Variants in TSPAN17 observed in about 807,000 individuals in gnomAD.
The protein encoded by TSPAN17 is tetraspanin 17.
In TSPAN17, 33 loss-of-function variants were observed where a neutral mutation model predicts 40.5. The ratio of observed to expected loss-of-function variants is 0.81; its 90% CI spans 0.62 to 1.09. The LOEUF (loss-of-function observed/expected upper bound fraction) is 1.09, where lower values mean the gene tolerates loss of function less well. Among genes scored for constraint, TSPAN17 ranks in the 50% least tolerant of loss-of-function variants. The pLI is 0.00. For synonymous variants in TSPAN17, 166 were observed against 169.4 expected (o/e 0.98, Z 0.15); for missense variants, 365 against 416.8 (o/e 0.88, Z 1.08).
chr5:176,652,654 T>C (rs779302526), intron 3 of TSPAN17, 89 bp from the exon 4 acceptor site: 268 of 1,306,164 alleles, frequency 2.1e-4, no homozygotes, highest in Non-Finnish European at 2.8e-4. Context: ...GAGGTAGGGA[T>C]GGAGCCCTTC....
At chr5:176,649,354 G>A (rs940551821) in intron 1 of TSPAN17, among the ~76,000 whole-genome samples, 1 of 152,124 alleles carries the variant, frequency 6.6e-6, no homozygotes, top group African/African-American at 2.4e-5. Flanking sequence ...CAGGCACAGA[G>A]GTTTTCATGT....
rs1760926780 is a variant in TSPAN17, at chr5:176,650,479, G to A, written c.88-1137G>A. 1.3e-5 allele frequency among the ~76,000 whole-genome samples: 2 copies of A among 152,186 alleles called. No homozygotes were observed. The highest frequency in any genetic ancestry group is 4.1e-4 in the South Asian group (2 of 4,834). On this transcript the variant is annotated intron_variant, in intron 1 of 8. Coordinates refer to ENST00000508164, the MANE Select transcript of TSPAN17 (RefSeq NM_130465.5). This position sits in a 1 kb window ranked among gnomAD's most constrained non-coding sequence, Gnocchi z 4.0. ...AGCATCCTGGGAAGGAGCTCGGGGA[G>A]GAATGGGGTTGAGTTAACTGAGGTG...
At position 176,654,972 on chromosome 5, in the gene TSPAN17, C is replaced by T. The variant is rs1194257763; in HGVS notation, c.534C>T (p.Ser178=). The T allele has an allele frequency of 4.3e-6, 7 of 1,612,458 alleles. No homozygotes were observed. The highest frequency in any genetic ancestry group is 5.9e-6 in the Non-Finnish European group (7 of 1,179,378). ...IYFNCTDLNP[S]RERCGVPFSC... is the part of the protein sequence containing the mutation. Reference sequence around the variant, plus strand: ...TCAACTGCACTGACTTGAACCCCAGCCGGGAGCGCTGCGGGGTGCCCTTCT... The same window carrying T: ...TCAACTGCACTGACTTGAACCCCAGTCGGGAGCGCTGCGGGGTGCCCTTCT... Residue 178 remains serine, a synonymous_variant, in exon 5 of 9, where the codon AGC becomes AGT. Coordinates refer to ENST00000508164, the MANE Select transcript of TSPAN17 (RefSeq NM_130465.5). This position sits in a 1 kb window ranked among gnomAD's most constrained non-coding sequence, Gnocchi z 4.3.
chr5:176,648,755 G>A (rs1760846402), intron 1 of TSPAN17, among the ~76,000 whole-genome samples: 1 of 152,194 alleles, frequency 6.6e-6, no homozygotes. Context: ...TGCCTGCCTG[G>A]GAGACGACGA....
intron 4 of TSPAN17, 109 bp downstream of exon 4, chr5:176,653,022 C>A: frequency 3.2e-6 from 4 of 1,255,382 alleles, no homozygotes; most frequent in East Asian, 2.3e-5. Context: ...CCTGGGCTAG[C>A]GGGCCCCAGG....
chr5:176,652,490 G>A (rs1462546569), intron 3 of TSPAN17, among the ~76,000 whole-genome samples: 2 of 152,206 alleles, frequency 1.3e-5, no homozygotes, highest in African/African-American at 2.4e-5. Context: ...GGAAACTAAA[G>A]GTTTGCATGG....
At position 176,650,296 on chromosome 5, in the gene TSPAN17, A is replaced by G. The variant is rs964664105; in HGVS notation, c.88-1320A>G. ...GAAGGCTGAGGCTGGAGGCCGTGGGACCAGCCACAGGTGGTCCCTCCAGGA... is the reference window on the plus strand; with the variant it reads ...GAAGGCTGAGGCTGGAGGCCGTGGGGCCAGCCACAGGTGGTCCCTCCAGGA... On this transcript the variant is annotated intron_variant, in intron 1 of 8. Coordinates refer to ENST00000508164, the MANE Select transcript of TSPAN17 (RefSeq NM_130465.5). The surrounding 1 kb of genome is among the most constrained non-coding windows in gnomAD (Gnocchi z 4.0). 6.6e-6 allele frequency among the ~76,000 whole-genome samples: 1 copy of G among 152,228 alleles called. No individual in the cohort carries two copies. The highest frequency in any genetic ancestry group is 1.5e-5 in the Non-Finnish European group (1 of 68,016).
rs1202327477 is a variant in TSPAN17, at chr5:176,648,039, C to G, written c.87+337C>G. 2.6e-5 allele frequency among the ~76,000 whole-genome samples: 4 copies of G among 152,174 alleles called. No homozygotes were observed. The East Asian group carries it at 7.7e-4, about 29-fold the overall frequency. On this transcript the variant is annotated intron_variant, in intron 1 of 8. Coordinates refer to ENST00000508164, the MANE Select transcript of TSPAN17 (RefSeq NM_130465.5). Reference sequence around the variant, plus strand: ...GCCCCCTCTCGCCCAGCCCTCCTTCCTACCCTGGGATGTGGGATGCGTGCC... The same window carrying G: ...GCCCCCTCTCGCCCAGCCCTCCTTCGTACCCTGGGATGTGGGATGCGTGCC...
intron 1 of TSPAN17, among the ~76,000 whole-genome samples, chr5:176,648,015 C>T (rs1310615518): frequency 5.3e-5 from 8 of 152,176 alleles, no homozygotes; most frequent in Admixed American, 4.6e-4. Context: ...GTGCAGGTTG[C>T]CCCCTCTCGC....
chr5:176,657,795 C>T lies in TSPAN17; in HGVS notation c.*97C>T. 2 of 1,511,136 alleles carry T rather than the reference C, an allele frequency of 1.3e-6. No homozygotes were observed. The highest frequency in any genetic ancestry group is 1.8e-6 in the Non-Finnish European group (2 of 1,133,730). The allele number at this position is 1,511,136 out of a possible 1,614,324, so 93.6% of individuals were successfully genotyped here. The stretch of plus-strand genomic sequence containing the variant: ...GCAACACTACCTGGGACACTGCCTC[C>T]CCAGTCACCAAGGGCCCCAGCTGGC... On this transcript the variant is annotated 3_prime_UTR_variant, in exon 9 of 9. Transcript: ENST00000508164.
At chr5:176,649,117 T>G (rs890053611) in intron 1 of TSPAN17, among the ~76,000 whole-genome samples, 2 of 151,926 alleles carry the variant, frequency 1.3e-5, no homozygotes, top group African/African-American at 4.8e-5. Flanking sequence ...TGGCTTCTGT[T>G]CTGGAGACCG....
At position 176,654,831 on chromosome 5, in the gene TSPAN17, C is replaced by A; in HGVS notation, c.457-64C>A. The stretch of plus-strand genomic sequence containing the variant: ...TGTATTCCTGCAGCCTGGGCTTGTT[C>A]CCAAACAGGGTGAGGCTCCTGGGAT... On this transcript the variant is annotated intron_variant, in intron 4 of 8. Transcript: ENST00000508164. This position sits in a 1 kb window ranked among gnomAD's most constrained non-coding sequence, Gnocchi z 4.3. 6 of 1,589,426 alleles carry A rather than the reference C, an allele frequency of 3.8e-6. No homozygotes were observed. In the South Asian group the frequency reaches 6.9e-5, roughly 18 times the overall value.
In TSPAN17 at chr5:176,657,775, A is replaced by G; in HGVS notation, c.*77A>G. ...GCTACGCCGGCTCTTCGGTGGCAAC[A>G]CTACCTGGGACACTGCCTCCCCAGT... is the stretch of plus-strand genomic sequence containing the variant. On this transcript the variant is annotated 3_prime_UTR_variant, in exon 9 of 9. Transcript: ENST00000508164. The G allele has an allele frequency of 6.6e-7, 1 of 1,515,810 alleles. No individual in the cohort carries two copies. Among genetic ancestry groups the G allele is most frequent in the Non-Finnish European group, 8.8e-7 (1 of 1,136,258 alleles). The allele number at this position is 1,515,810 out of a possible 1,614,324, so 93.9% of individuals were successfully genotyped here. A position where few individuals can be genotyped will look rare whatever the true frequency, so the allele number is the denominator to read the frequency against.
In TSPAN17 at chr5:176,650,954, G is replaced by A. The variant is rs999063930; in HGVS notation, c.88-662G>A. On this transcript the variant is annotated intron_variant, in intron 1 of 8. Transcript: ENST00000508164. This position sits in a 1 kb window ranked among gnomAD's most constrained non-coding sequence, Gnocchi z 4.0. ...GGAGGAGAGGCACTTGGACTGCCCC[G>A]GTGGGGAGTCTAGCTGGTGTTCTGA... 1.3e-5 allele frequency among the ~76,000 whole-genome samples: 2 copies of A among 152,212 alleles called. No homozygotes were observed. The highest frequency in any genetic ancestry group is 4.8e-5 in the African/African-American group (2 of 41,470).
chr5:176,656,585 G>A, intron 6 of TSPAN17, 115 bp from the exon 7 acceptor site: 1 of 953,136 alleles, frequency 1.0e-6, no homozygotes, highest in Admixed American at 1.8e-5. Flanking sequence ...GAGGGACTGT[G>A]GGGAGCAGGT....
At chr5:176,648,127 TC>T (rs1760817055) in intron 1 of TSPAN17, among the ~76,000 whole-genome samples, 1 of 152,116 alleles carries the variant, frequency 6.6e-6, no homozygotes, top group Non-Finnish European at 1.5e-5. Context: ...CCAGGCCCCT[TC>T]CCCGGCCTCC....
chr5:176,658,746 T>C lies in TSPAN17; in HGVS notation c.*1048T>C, dbSNP rs967960261. 2 of 151,946 alleles carry C rather than the reference T, an allele frequency of 1.3e-5. No homozygotes were observed. The highest frequency in any genetic ancestry group is 2.9e-5 in the Non-Finnish European group (2 of 67,808). 9.4% of individuals were successfully genotyped at this position (151,946 alleles called of 1,614,324 possible). A position where few individuals can be genotyped will look rare whatever the true frequency, so the allele number is the denominator to read the frequency against. On this transcript the variant is annotated 3_prime_UTR_variant, in exon 9 of 9. Coordinates refer to ENST00000508164, the MANE Select transcript of TSPAN17 (RefSeq NM_130465.5). Reference sequence around the variant, plus strand: ...TGGAGAAGCCAGAAATACAGATTTGTATGTGAGATGTCCTGATTTTTTAAG... The same window carrying C: ...TGGAGAAGCCAGAAATACAGATTTGCATGTGAGATGTCCTGATTTTTTAAG...
rs755305253 is a variant in TSPAN17, at chr5:176,650,908, G to C, written c.88-708G>C. 3.1e-4 allele frequency among the ~76,000 whole-genome samples: 47 copies of C among 152,216 alleles called. No individual in the cohort carries two copies. Among genetic ancestry groups the C allele is most frequent in the Non-Finnish European group, 4.0e-4 (27 of 68,018 alleles). ...TCTTCCCAGTAGGGAATTGAGGCAG[G>C]AAGGTGGGAAAGCTGAGGATGGAGG... On this transcript the variant is annotated intron_variant, in intron 1 of 8. Transcript: ENST00000508164. The surrounding 1 kb of genome is among the most constrained non-coding windows in gnomAD (Gnocchi z 4.0).
intron 4 of TSPAN17, chr5:176,653,831 A>C (rs1761054188): frequency 6.6e-6 from 1 of 152,234 alleles, no homozygotes; most frequent in Non-Finnish European, 1.5e-5. Context: ...AGGGCCTACC[A>C]TATGCCGGAC....
Sources: gnomAD v4.1 joint callset for allele counts (sites outside exome capture counted in the v4.1 genomes callset) on GRCh38, gnomAD v4.1.1 for gene constraint, Gnocchi (gnomAD v3.1) non-coding constraint, MANE v1.5 for transcripts, NCBI Gene and HGNC (gene_info 2026-07-23, HGNC 2026-07-21) for gene names.